The following KIAA2012 variants were observed in gnomAD, a reference collection of about 807,000 sequenced individuals.
KIAA2012 encodes the protein KIAA2012, also known as uncharacterized protein KIAA2012.
KIAA2012 carries 125 observed loss-of-function variants against 150.6 expected under a neutral mutation model. That is an observed-to-expected ratio of 0.83 (90% CI 0.72 to 0.96). KIAA2012 has a LOEUF of 0.96. Among genes scored for constraint, KIAA2012 ranks in the 40% least tolerant of loss-of-function variants. The pLI is 0.00. For synonymous variants in KIAA2012, 462 were observed against 504.7 expected, an observed-to-expected ratio of 0.92 and a Z score of 1.13; for missense variants, 1,219 against 1,354.9, an observed-to-expected ratio of 0.90 and a Z score of 1.57.
intron 15 of KIAA2012, among the ~76,000 whole-genome samples, chr2:202,171,057 G>GC (rs1292358638): frequency 6.6e-6 from 1 of 151,734 alleles, no homozygotes; most frequent in Non-Finnish European, 1.5e-5. Flanking sequence ...AAGAGGGTTC[G>GC]CCCCCCACGG....
intron 2 of KIAA2012, among the ~76,000 whole-genome samples, chr2:202,083,949 A>G (rs1292067141): frequency 6.6e-6 from 1 of 152,192 alleles, no homozygotes; most frequent in African/African-American, 2.4e-5. Context: ...TGGAGAAGGT[A>G]GAATTTGAGC....
intron 15 of KIAA2012, among the ~76,000 whole-genome samples, chr2:202,174,544 A>C (rs1691955093): frequency 6.6e-6 from 1 of 152,248 alleles, no homozygotes; most frequent in East Asian, 1.9e-4. Flanking sequence ...TTGTGTAAAA[A>C]ATAGTGTTTG....
chr2:202,146,559 G>A (rs1691302502), intron 13 of KIAA2012, among the ~76,000 whole-genome samples: 1 of 151,640 alleles, frequency 6.6e-6, no homozygotes, highest in African/African-American at 2.4e-5. Flanking sequence ...TTGAACCCGG[G>A]AGGTGGAGGT....
At chr2:202,180,269 CAAAAAAAA>C (rs569117421) in intron 15 of KIAA2012, among the ~76,000 whole-genome samples, 2 of 49,336 alleles carry the variant, frequency 4.1e-5, no homozygotes, top group Non-Finnish European at 8.9e-5. Context: ...GAAACTCCTC[CAAAAAAAA>C]AAAAAAAAAA....
At chr2:202,106,186 C>T (rs1356017082) in intron 9 of KIAA2012, among the ~76,000 whole-genome samples, 1 of 151,990 alleles carries the variant, frequency 6.6e-6, no homozygotes, top group Non-Finnish European at 1.5e-5. Flanking sequence ...TACCCCCTAA[C>T]TCATCCCACT....
At chr2:202,122,258 CAA>C (rs953542797) in intron 11 of KIAA2012, among the ~76,000 whole-genome samples, 3 of 152,160 alleles carry the variant, frequency 2.0e-5, no homozygotes, top group Non-Finnish European at 2.9e-5. Context: ...AAGGAACAGA[CAA>C]GAGAAAAGGC....
chr2:202,074,351 A>G (rs1689274171), intron 1 of KIAA2012, among the ~76,000 whole-genome samples: 1 of 152,198 alleles, frequency 6.6e-6, no homozygotes, highest in South Asian at 2.1e-4. Flanking sequence ...AACGGCATAT[A>G]AAGTTTCAAA....
Position 202,090,924 on chromosome 2 carries a change from G to T in KIAA2012, c.524G>T (p.Cys175Phe). Residue 175 changes from cysteine (C) to phenylalanine (F), a missense_variant, in exon 3 of 24, where the codon TGC becomes TTC. Transcript: ENST00000498697. ...CCAGACGCCATGTATAGGCTCTGGT[G>T]CGCAGGTCAGTGGGGAAATGGGAGG... ...WPPDAMYRLW[C>F]AGYIKDSVLL... 2 of 1,546,092 alleles carry T rather than the reference G, an allele frequency of 1.3e-6. No individual in the cohort carries two copies. Among genetic ancestry groups the T allele is most frequent in the Non-Finnish European group, 1.7e-6 (2 of 1,143,662 alleles).
Position 202,138,472 on chromosome 2 carries a change from T to C in KIAA2012, c.1872T>C (p.Tyr624=). 6.4e-7 allele frequency: 1 copy of C among 1,550,608 alleles called. No homozygotes were observed. The highest frequency in any genetic ancestry group is 8.7e-7 in the Non-Finnish European group (1 of 1,146,934). The stretch of plus-strand genomic sequence containing the variant: ...GAGCCAATCTTCACATGAACCTTTA[T>C]GAAACCTCACCGTTGACCCAAACAA... ...EPRANLHMNL[Y]ETSPLTQTTE... is the part of the protein sequence containing the mutation. The change falls in exon 13 of 24, where the codon TAT becomes TAC. Residue 624 remains tyrosine (Y), a synonymous_variant. Coordinates refer to ENST00000498697, the MANE Select transcript of KIAA2012 (RefSeq NM_001277372.4).
chr2:202,095,835 A>G (rs1159170509), intron 4 of KIAA2012, among the ~76,000 whole-genome samples: 2 of 152,104 alleles, frequency 1.3e-5, no homozygotes, highest in South Asian at 4.1e-4. Flanking sequence ...TGTAATCCCA[A>G]CACTTTGGTA....
intron 2 of KIAA2012, among the ~76,000 whole-genome samples, chr2:202,087,064 G>C (rs945193835): frequency 4.6e-5 from 7 of 152,122 alleles, no homozygotes; most frequent in South Asian, 2.1e-4. Flanking sequence ...CCCACTACTT[G>C]TTTGTGTAAA....
chr2:202,102,879 G>A (rs560838593), intron 7 of KIAA2012, 67 bp from the exon 8 acceptor site: 103 of 1,394,046 alleles, frequency 7.4e-5, no homozygotes, highest in Middle Eastern at 5.4e-4. Context: ...AGACAGTATC[G>A]TTTGCCCCTG....
chr2:202,152,347 T>C (rs1691443637), intron 13 of KIAA2012, among the ~76,000 whole-genome samples: 1 of 152,204 alleles, frequency 6.6e-6, no homozygotes, highest in South Asian at 2.1e-4. Flanking sequence ...TCGAAAGATT[T>C]ATAGGTCAAG....
intron 14 of KIAA2012, among the ~76,000 whole-genome samples, chr2:202,162,014 T>G (rs527642253): frequency 1.3e-5 from 2 of 152,304 alleles, no homozygotes; most frequent in Admixed American, 6.5e-5. Flanking sequence ...CACATTTTAT[T>G]TAGGTTTAGT....
intron 12 of KIAA2012, chr2:202,125,871 G>GGA (rs1690771079): frequency 2.2e-6 from 1 of 447,732 alleles, no homozygotes; most frequent in Admixed American, 2.4e-5. Flanking sequence ...ATGATGACCT[G>GGA]GAGACTTTCT....
intron 11 of KIAA2012, among the ~76,000 whole-genome samples, chr2:202,122,223 G>A (rs904735761): frequency 3.3e-5 from 5 of 152,226 alleles, no homozygotes; most frequent in African/African-American, 1.2e-4. Flanking sequence ...GGGATGTCAT[G>A]CAACCCAACA....
In KIAA2012 at chr2:202,075,190, C is replaced by A. The variant is rs767837953; in HGVS notation, c.369+15C>A. 4 of 1,526,520 alleles carry A rather than the reference C, an allele frequency of 2.6e-6. No individual in the cohort carries two copies. Among genetic ancestry groups the A allele is most frequent in the East Asian group, 4.9e-5 (2 of 40,792 alleles). The allele number at this position is 1,526,520 out of a possible 1,614,324, so 94.6% of individuals were successfully genotyped here. ...GAAGGCAGCAGGTAGGCAGAACGCT[C>A]CCTTGGGTTTGGGGAAGGTGCTGGT... On this transcript the variant is annotated intron_variant, in intron 2 of 23. Transcript: ENST00000498697.
At chr2:202,075,640 C>A (rs1020560224) in intron 2 of KIAA2012, among the ~76,000 whole-genome samples, 2 of 152,154 alleles carry the variant, frequency 1.3e-5, no homozygotes, top group African/African-American at 4.8e-5. Context: ...AAGTTAATGA[C>A]TTTTTCCATC....
At chr2:202,140,315 C>T (rs948144780) in intron 13 of KIAA2012, among the ~76,000 whole-genome samples, 5 of 152,128 alleles carry the variant, frequency 3.3e-5, no homozygotes, top group South Asian at 2.1e-4. Context: ...AACACCAGAG[C>T]GAGGGGTCTT....
Sources: gnomAD v4.1 joint callset for allele counts (sites outside exome capture counted in the v4.1 genomes callset) on GRCh38, gnomAD v4.1.1 for gene constraint, MANE v1.5 for transcripts, NCBI Gene and HGNC (gene_info 2026-07-23, HGNC 2026-07-21) for gene names.